Variants in ADAM23 observed in about 807,000 individuals in gnomAD.
ADAM23 encodes the protein disintegrin and metalloproteinase domain-containing protein 23.
ADAM23 carries 33 observed loss-of-function variants against 120.1 expected under a neutral mutation model. That is an observed-to-expected ratio of 0.27 (90% CI 0.21 to 0.37). The LOEUF (loss-of-function observed/expected upper bound fraction) is 0.37, where lower values mean the gene tolerates loss of function less well. Among genes scored for constraint, ADAM23 ranks in the 10% least tolerant of loss-of-function variants. ADAM23 has a pLI of 1.00. For synonymous variants in ADAM23, 367 were observed against 375.2 expected (o/e 0.98, Z 0.25); for missense variants, 862 against 1,058.2 (o/e 0.81, Z 2.57).
intron 10 of ADAM23, among the ~76,000 whole-genome samples, chr2:206,559,094 A>G (rs534562247): frequency 1.1e-4 from 16 of 152,096 alleles, no homozygotes; most frequent in Admixed American, 5.2e-4. Context: ...ACAGGCGCCC[A>G]CCATCACACT....
intron 7 of ADAM23, 148 bp from the exon 8 acceptor site, chr2:206,548,133 G>A: frequency 1.6e-6 from 1 of 642,752 alleles, no homozygotes; most frequent in Admixed American, 2.8e-5. Flanking sequence ...GTGGTCATGA[G>A]AGTGTGAAAT....
At chr2:206,543,391 A>G (rs1157902708) in intron 6 of ADAM23, 75 bp downstream of exon 6, 7 of 1,267,304 alleles carry the variant, frequency 5.5e-6, no homozygotes. Flanking sequence ...AAAAGAGAAA[A>G]GAGTGTAGAT....
chr2:206,492,762 C>T (rs1295656324), intron 3 of ADAM23, among the ~76,000 whole-genome samples: 1 of 152,156 alleles, frequency 6.6e-6, no homozygotes, highest in Non-Finnish European at 1.5e-5. Context: ...ATGGCCTAAT[C>T]ACCCTGAAAA....
chr2:206,523,129 C>A (rs1696877929), intron 3 of ADAM23, among the ~76,000 whole-genome samples: 1 of 152,116 alleles, frequency 6.6e-6, no homozygotes, highest in African/African-American at 2.4e-5. Context: ...CTTTGTTTCT[C>A]CACTCTACAA....
At chr2:206,462,752 A>G (rs1249145145) in intron 2 of ADAM23, among the ~76,000 whole-genome samples, 1 of 152,162 alleles carries the variant, frequency 6.6e-6, no homozygotes, top group African/African-American at 2.4e-5. Flanking sequence ...CATTTTGTGA[A>G]GGAAAAATTG....
At chr2:206,448,955 C>G (rs75263331) in intron 2 of ADAM23, among the ~76,000 whole-genome samples, 1 of 152,200 alleles carries the variant, frequency 6.6e-6, no homozygotes, top group Admixed American at 6.5e-5. Flanking sequence ...TATAGCTGAT[C>G]TGTCAGGAGC....
At chr2:206,557,152 A>G (rs1697661711) in intron 9 of ADAM23, among the ~76,000 whole-genome samples, 1 of 152,020 alleles carries the variant, frequency 6.6e-6, no homozygotes, top group African/African-American at 2.4e-5. Context: ...CTGGTCTCAA[A>G]TCCCTGGCCT....
intron 18 of ADAM23, among the ~76,000 whole-genome samples, chr2:206,583,222 A>G (rs1395536990): frequency 6.6e-6 from 1 of 152,208 alleles, no homozygotes; most frequent in African/African-American, 2.4e-5. Flanking sequence ...TGGGAGGCCA[A>G]GGCGGGCGGA....
intron 9 of ADAM23, 126 bp from the exon 10 acceptor site, chr2:206,557,301 C>A: frequency 1.2e-6 from 1 of 806,606 alleles, no homozygotes; most frequent in South Asian, 1.6e-5. Flanking sequence ...CAGTATACCA[C>A]AAACTAAATT....
intron 10 of ADAM23, among the ~76,000 whole-genome samples, chr2:206,558,574 C>G (rs995912727): frequency 1.3e-5 from 2 of 152,096 alleles, no homozygotes; most frequent in Non-Finnish European, 2.9e-5. Context: ...CCAATTTACA[C>G]CTGGTTTATT....
chr2:206,613,292 C>T (rs995608044), intron 25 of ADAM23, among the ~76,000 whole-genome samples: 2 of 152,180 alleles, frequency 1.3e-5, no homozygotes, highest in African/African-American at 4.8e-5. Flanking sequence ...CTTCCAACCT[C>T]AGGTGATCCG....
intron 2 of ADAM23, among the ~76,000 whole-genome samples, chr2:206,478,928 T>C (rs1695838844): frequency 6.6e-6 from 1 of 152,154 alleles, no homozygotes; most frequent in Admixed American, 6.6e-5. Flanking sequence ...TGTGCCTGGA[T>C]GGGGTTCAGC....
rs766975539 is a variant in ADAM23, at chr2:206,445,457, A to G, written c.365A>G (p.Asn122Ser). Residue 122 changes from asparagine (N) to serine (S), a missense_variant, in exon 2 of 26, where the codon AAC becomes AGC. Asn to Ser is a conservative substitution (Grantham distance 46). Around this residue, in one of 4 missense-constraint regions of ADAM23, gnomAD observed 225 missense variants for 204.0 expected, o/e 1.10. Transcript: ENST00000264377. ...CCTTCAAGACTCATATATTACATCA[A>G]CCAAGACTCGGAAAGCCCTTATCAC... ...TLPSRLIYYI[N>S]QDSESPYHVL... The G allele has an allele frequency of 8.1e-6, 13 of 1,614,172 alleles. No homozygotes were observed. Among genetic ancestry groups the G allele is most frequent in the South Asian group, 1.1e-5 (1 of 91,078 alleles).
rs78318395 is a variant in ADAM23, at chr2:206,456,954, C to T, written c.432+11430C>T. Reference sequence around the variant, plus strand: ...CAAGTTGTAGTCTGAATCACTTAGTCGGGTGCTTTGTGCTGTCTTTTAATT... The same window carrying T: ...CAAGTTGTAGTCTGAATCACTTAGTTGGGTGCTTTGTGCTGTCTTTTAATT... On this transcript the variant is annotated intron_variant, in intron 2 of 25. Transcript: ENST00000264377. 2.6e-3 allele frequency among the ~76,000 whole-genome samples: 401 copies of T among 152,218 alleles called. 2 individuals are homozygous for T. Among genetic ancestry groups the T allele is most frequent in the African/African-American group, 8.7e-3 (363 of 41,532 alleles).
chr2:206,446,773 T>C (rs1276264727), intron 2 of ADAM23, among the ~76,000 whole-genome samples: 1 of 152,160 alleles, frequency 6.6e-6, no homozygotes, highest in Non-Finnish European at 1.5e-5. Flanking sequence ...GTGTCTCTGT[T>C]CTCAGCCAGC....
rs74793993 is a variant in ADAM23, at chr2:206,445,582, G to T, written c.432+58G>T. 3.3e-3 allele frequency: 4,725 copies of T among 1,444,676 alleles called. 147 individuals carry two copies. The East Asian group carries it at 0.075, about 23-fold the overall frequency. 89.5% of individuals were successfully genotyped at this position (1,444,676 alleles called of 1,614,324 possible). A position where few individuals can be genotyped will look rare whatever the true frequency, so the allele number is the denominator to read the frequency against. ...ATCATGAAGAGTTTTCCTTTGATTT[G>T]ATTTTCTGCCAGAATCTGAGTTCAC... On this transcript the variant is annotated intron_variant, in intron 2 of 25. Coordinates refer to ENST00000264377, the MANE Select transcript of ADAM23 (RefSeq NM_003812.4).
At chr2:206,577,657 T>C (rs1698141650) in intron 18 of ADAM23, among the ~76,000 whole-genome samples, 1 of 143,156 alleles carries the variant, frequency 7.0e-6, no homozygotes, top group African/African-American at 2.6e-5. Context: ...TAATCCAGTC[T>C]ATCATTGTTG....
At chr2:206,543,688 T>C (rs534788063) in intron 6 of ADAM23, among the ~76,000 whole-genome samples, 2 of 152,154 alleles carry the variant, frequency 1.3e-5, no homozygotes, top group East Asian at 1.9e-4. Context: ...CAATTTGCAA[T>C]TGCAGAAATA....
chr2:206,587,315 T>G lies in ADAM23; in HGVS notation c.1738-10T>G. On this transcript the variant is annotated splice_polypyrimidine_tract_variant and intron_variant, in intron 18 of 25. Coordinates refer to ENST00000264377, the MANE Select transcript of ADAM23 (RefSeq NM_003812.4). ...TGCTGAATATTAACTAAAAAGATAA[T>G]ATTTTGCAGTGCCCACCAAATCTTC... 6.3e-7 allele frequency: 1 copy of G among 1,599,456 alleles called. No individual in the cohort carries two copies. Among genetic ancestry groups the G allele is most frequent in the Non-Finnish European group, 8.5e-7 (1 of 1,169,956 alleles).
Sources: gnomAD v4.1 joint callset for allele counts (sites outside exome capture counted in the v4.1 genomes callset) on GRCh38, gnomAD v4.1.1 for gene constraint, gnomAD v4.1.1 regional missense constraint, MANE v1.5 for transcripts, NCBI Gene and HGNC (gene_info 2026-07-23, HGNC 2026-07-21) for gene names.